ARHGEF12: variants seen among roughly 807,000 people sequenced by gnomAD.
ARHGEF12 encodes KMT2A/ARHGEF12 fusion protein.
In ARHGEF12, 66 loss-of-function variants were observed where a neutral mutation model predicts 211.2. That is an observed-to-expected ratio of 0.31 (90% CI 0.26 to 0.38). The LOEUF (loss-of-function observed/expected upper bound fraction) is 0.38. Among genes scored for constraint, ARHGEF12 ranks in the 10% least tolerant of loss-of-function variants. The pLI is 1.00. For missense variants in ARHGEF12, 1,429 were observed against 1,869.5 expected, an observed-to-expected ratio of 0.76 and a Z score of 4.34; for synonymous variants, 592 against 638.4, an observed-to-expected ratio of 0.93 and a Z score of 1.09.
At chr11:120,473,941 G>A (rs1946951707) in intron 31 of ARHGEF12, among the ~76,000 whole-genome samples, 1 of 152,174 alleles carries the variant, frequency 6.6e-6, no homozygotes. Flanking sequence ...GATTTATTTG[G>A]TGGCTGTTAA....
chr11:120,426,748 G>A (rs1227447090), intron 7 of ARHGEF12, among the ~76,000 whole-genome samples: 2 of 152,150 alleles, frequency 1.3e-5, no homozygotes, highest in Non-Finnish European at 2.9e-5. Context: ...AATTGATAAT[G>A]ATTTCCATGG....
rs997775797 is a variant in ARHGEF12 at position 120,336,480 on chromosome 11, G to C, written c.-764G>C. Among the ~76,000 whole-genome samples, 1 of 151,880 alleles carries C rather than the reference G, an allele frequency of 6.6e-6. No homozygotes were observed. The highest frequency in any genetic ancestry group is 1.5e-5 in the Non-Finnish European group (1 of 67,916). Reference sequence around the variant, plus strand: ...TCCGCCTCCCGGACCAGGGCTTCCAGGCCGGGCCGGACGGGCATCTCCCGC... The same window carrying C: ...TCCGCCTCCCGGACCAGGGCTTCCACGCCGGGCCGGACGGGCATCTCCCGC... On this transcript the variant is annotated 5_prime_UTR_variant, in exon 1 of 41. Coordinates refer to ENST00000397843, the MANE Select transcript of ARHGEF12 (RefSeq NM_015313.3).
intron 4 of ARHGEF12, among the ~76,000 whole-genome samples, chr11:120,420,021 C>G (rs927211876): frequency 6.6e-6 from 1 of 152,126 alleles, no homozygotes; most frequent in East Asian, 1.9e-4. Flanking sequence ...CTCACCTTGC[C>G]CTGACAGTTT....
At chr11:120,465,418 A>G (rs1946674104) in intron 28 of ARHGEF12, 56 bp downstream of exon 28, 1 of 1,599,722 alleles carries the variant, frequency 6.3e-7, no homozygotes, top group African/African-American at 1.3e-5. Flanking sequence ...ATCAATTATC[A>G]GATAAACTGG....
chr11:120,355,079 A>G (rs1342486735), intron 1 of ARHGEF12, among the ~76,000 whole-genome samples: 1 of 152,240 alleles, frequency 6.6e-6, no homozygotes, highest in Non-Finnish European at 1.5e-5. Flanking sequence ...TGTGATCGAT[A>G]TGACTAATCT....
rs1226616480 is a variant in ARHGEF12, at chr11:120,375,599, AT to A, written c.33-30516del. 2.8e-5 allele frequency among the ~76,000 whole-genome samples: 4 copies of A among 144,606 alleles called. No homozygotes were observed. The South Asian group carries it at 6.5e-4, about 24-fold the overall frequency. The allele number at this position is 144,606 out of a possible 152,430, so 94.9% of individuals were successfully genotyped here. A position where few individuals can be genotyped will look rare whatever the true frequency, so the allele number is the denominator to read the frequency against. Reference sequence around the variant, plus strand: ...AGTTTGTTTTTGAGAACAGGGCTAGATTTGCCGAAAATGAGAAGCTAGAAAA... The same window carrying A: ...AGTTTGTTTTTGAGAACAGGGCTAGATTGCCGAAAATGAGAAGCTAGAAAA... On this transcript the variant is annotated intron_variant, in intron 1 of 40. Coordinates refer to ENST00000397843, the MANE Select transcript of ARHGEF12 (RefSeq NM_015313.3).
intron 12 of ARHGEF12, among the ~76,000 whole-genome samples, chr11:120,437,708 C>T (rs1030050044): frequency 6.6e-6 from 1 of 152,166 alleles, no homozygotes; most frequent in African/African-American, 2.4e-5. Flanking sequence ...CAATTTGGTA[C>T]CCGGTAAACA....
At chr11:120,341,846 A>T (rs1483109275) in intron 1 of ARHGEF12, among the ~76,000 whole-genome samples, 1 of 152,240 alleles carries the variant, frequency 6.6e-6, no homozygotes, top group Non-Finnish European at 1.5e-5. Context: ...GGTTTTCAAA[A>T]TAGTGCCATG....
At chr11:120,347,068 A>G (rs1369817742) in intron 1 of ARHGEF12, among the ~76,000 whole-genome samples, 8 of 151,994 alleles carry the variant, frequency 5.3e-5, no homozygotes. Flanking sequence ...CATTTTGAGT[A>G]TTTCTGGAGG....
At chr11:120,359,294 G>A (rs914717050) in intron 1 of ARHGEF12, among the ~76,000 whole-genome samples, 2 of 152,082 alleles carry the variant, frequency 1.3e-5, no homozygotes, top group African/African-American at 4.8e-5. Flanking sequence ...GTGTGATCAT[G>A]GCTCACTGCA....
chr11:120,462,367 C>T (rs1946560435), intron 27 of ARHGEF12, among the ~76,000 whole-genome samples: 1 of 152,028 alleles, frequency 6.6e-6, no homozygotes, highest in Non-Finnish European at 1.5e-5. Context: ...TCATGGTGCC[C>T]CAAAGCAATA....
intron 1 of ARHGEF12, among the ~76,000 whole-genome samples, chr11:120,402,634 T>C (rs1944576226): frequency 6.6e-6 from 1 of 152,152 alleles, no homozygotes; most frequent in Non-Finnish European, 1.5e-5. Context: ...AAATGCTCCT[T>C]TATAACTAAG....
chr11:120,467,416 T>A, intron 29 of ARHGEF12, 108 bp downstream of exon 29: 1 of 559,896 alleles, frequency 1.8e-6, no homozygotes. Context: ...GATTTCCAAA[T>A]AGTATGACAA....
At chr11:120,391,751 T>C (rs935471658) in intron 1 of ARHGEF12, among the ~76,000 whole-genome samples, 1 of 152,236 alleles carries the variant, frequency 6.6e-6, no homozygotes, top group Non-Finnish European at 1.5e-5. Context: ...AAAGGACAAC[T>C]TAATAGCGCC....
chr11:120,421,584 C>T (rs928942258), intron 5 of ARHGEF12, among the ~76,000 whole-genome samples: 7 of 151,854 alleles, frequency 4.6e-5, no homozygotes, highest in African/African-American at 7.3e-5. Context: ...ACTACAGGCA[C>T]GTGCCACCAC....
intron 1 of ARHGEF12, among the ~76,000 whole-genome samples, chr11:120,368,129 C>T (rs1180826051): frequency 6.6e-6 from 1 of 151,952 alleles, no homozygotes; most frequent in African/African-American, 2.4e-5. Flanking sequence ...TTTGGCTGGG[C>T]CACAGCGGCA....
intron 1 of ARHGEF12, among the ~76,000 whole-genome samples, chr11:120,354,017 G>T (rs1001588279): frequency 2.0e-5 from 3 of 152,070 alleles, no homozygotes; most frequent in African/African-American, 7.2e-5. Flanking sequence ...CAGAGGAGGA[G>T]CCCAGAGGAG....
intron 1 of ARHGEF12, among the ~76,000 whole-genome samples, chr11:120,369,844 C>CT (rs1443022038): frequency 6.6e-6 from 1 of 152,082 alleles, no homozygotes; most frequent in Non-Finnish European, 1.5e-5. Flanking sequence ...TTAGTGTTAT[C>CT]TTTTTGGGGG....
chr11:120,428,302 C>A, intron 8 of ARHGEF12, 55 bp downstream of exon 8: 1 of 1,375,768 alleles, frequency 7.3e-7, no homozygotes. Context: ...GATGTGTTTA[C>A]TTTATATGGA....
Sources: gnomAD v4.1 joint callset for allele counts (sites outside exome capture counted in the v4.1 genomes callset) on GRCh38, gnomAD v4.1.1 for gene constraint, MANE v1.5 for transcripts, NCBI Gene and HGNC (gene_info 2026-07-23, HGNC 2026-07-21) for gene names.